KRTAP4-7: variants seen among roughly 807,000 people sequenced by gnomAD.
KRTAP4-7 encodes the protein keratin associated protein 4-7, also known as putative keratin-associated protein 4-X.
In KRTAP4-7, 1 loss-of-function variant was observed where a neutral mutation model predicts 3.0. The ratio of observed to expected loss-of-function variants is 0.33; its 90% CI spans 0.12 to 1.57. The LOEUF (loss-of-function observed/expected upper bound fraction) is 1.57. KRTAP4-7 is among the 40% of genes most tolerant of loss of function. KRTAP4-7 has a pLI of 0.37. For missense variants in KRTAP4-7, 199 were observed against 209.1 expected (o/e 0.95, Z 0.30); for synonymous variants, 70 against 74.6 (o/e 0.94, Z 0.32).
In KRTAP4-7 at chr17:41,084,689, C is replaced by G. The variant is rs779830987; in HGVS notation, c.*15C>G. 1.9e-6 allele frequency: 3 copies of G among 1,572,302 alleles called. No homozygotes were observed. In the Admixed American group the frequency reaches 5.7e-5, roughly 30 times the overall value. Reference sequence around the variant, plus strand: ...CTTGCTGCTGAGCCCACTGCCCTGGCTCACGTCCCCCTTCACCACTGGCCC... The same window carrying G: ...CTTGCTGCTGAGCCCACTGCCCTGGGTCACGTCCCCCTTCACCACTGGCCC... On this transcript the variant is annotated 3_prime_UTR_variant, in exon 1 of 1. Coordinates refer to ENST00000391417, the Ensembl canonical transcript of KRTAP4-7.
Position 41,084,696 on chromosome 17 carries a change from C to A in KRTAP4-7, c.*22C>A, listed in dbSNP as rs189443395. The A allele has an allele frequency of 1.2e-5, 19 of 1,565,174 alleles. No homozygotes were observed. In the African/African-American group the frequency reaches 2.0e-4, roughly 17 times the overall value. On this transcript the variant is annotated 3_prime_UTR_variant, in exon 1 of 1. Transcript: ENST00000391417. Reference sequence around the variant, plus strand: ...CTGAGCCCACTGCCCTGGCTCACGTCCCCCTTCACCACTGGCCCACAGATG... The same window carrying A: ...CTGAGCCCACTGCCCTGGCTCACGTACCCCTTCACCACTGGCCCACAGATG...
chr17:41,084,186 G>C (rs1227944759), exon 1 of KRTAP4-7: 1 of 1,590,630 alleles, frequency 6.3e-7, no homozygotes, highest in African/African-American at 1.3e-5. Context: ...AACCCACCCA[G>C]ATCCTCCCCG....
chr17:41,084,801 A>T (rs1344598535), exon 1 of KRTAP4-7: 1 of 1,375,086 alleles, frequency 7.3e-7, no homozygotes, highest in Non-Finnish European at 9.8e-7. Flanking sequence ...TTATGCTTCC[A>T]AAGAGCCCAC....
In KRTAP4-7 at chr17:41,084,463, GC is replaced by G. The variant is rs761721850; in HGVS notation, c.261del (p.Ser88AlafsTer119). The G allele has an allele frequency of 6.6e-6, 10 of 1,516,916 alleles. No individual in the cohort carries two copies. The Admixed American group carries it at 1.7e-4, about 26-fold the overall frequency. The allele number at this position is 1,516,916 out of a possible 1,614,324, so 94.0% of individuals were successfully genotyped here. A position where few individuals can be genotyped will look rare whatever the true frequency, so the allele number is the denominator to read the frequency against. The stretch of plus-strand genomic sequence containing the variant: ...AGGTGCTGCATCTCCAGCTGCTGCC[GC>G]CCCAGCTGCTGTATGTCCAGCTGCT... On this transcript the variant is annotated frameshift_variant, in exon 1 of 1. Transcript: ENST00000391417. LOFTEE classifies it low-confidence loss of function (END_TRUNC).
Position 41,084,444 on chromosome 17 carries a change from T to C in KRTAP4-7, c.238T>C (p.Cys80Arg), listed in dbSNP as rs959350271. 4.3e-6 allele frequency: 6 copies of C among 1,411,074 alleles called. No homozygotes were observed. In the African/African-American group the frequency reaches 9.1e-5, roughly 21 times the overall value. 87.4% of individuals were successfully genotyped at this position (1,411,074 alleles called of 1,614,324 possible). ...GACGACCTGCTGCCACCCTAGGTGC[T>C]GCATCTCCAGCTGCTGCCGCCCCAG... The change falls in exon 1 of 1, where the codon TGC becomes CGC. Residue 80 changes from cysteine to arginine, a missense_variant. Coordinates refer to ENST00000391417, the Ensembl canonical transcript of KRTAP4-7.
chr17:41,084,294 T>G, exon 1 of KRTAP4-7: 1 of 1,613,954 alleles, frequency 6.2e-7, no homozygotes, highest in South Asian at 1.1e-5. Flanking sequence ...CCCCAGCTGC[T>G]GTCAGACCAC....
chr17:41,084,316 C>A (rs773518620), exon 1 of KRTAP4-7: 1 of 1,614,048 alleles, frequency 6.2e-7, no homozygotes, highest in Non-Finnish European at 8.5e-7. Flanking sequence ...TGTTGCAGGA[C>A]CACCTGCTAC....
chr17:41,084,469 G>A, exon 1 of KRTAP4-7: 2 of 1,515,690 alleles, frequency 1.3e-6, no homozygotes, highest in South Asian at 1.2e-5. Flanking sequence ...TGCCGCCCCA[G>A]CTGCTGTATG....
chr17:41,084,214 G>C (rs2013594269), exon 1 of KRTAP4-7: 1 of 1,606,318 alleles, frequency 6.2e-7, no homozygotes. Flanking sequence ...ACCATGGTCA[G>C]CTCCTGTTGT....
exon 1 of KRTAP4-7, chr17:41,084,804 G>C: frequency 7.4e-7 from 1 of 1,359,396 alleles, no homozygotes; most frequent in South Asian, 1.5e-5. Flanking sequence ...TGCTTCCAAA[G>C]AGCCCACCAC....
chr17:41,084,811 C>G, exon 1 of KRTAP4-7: 3 of 1,320,656 alleles, frequency 2.3e-6, no homozygotes, highest in Non-Finnish European at 3.1e-6. Flanking sequence ...AAAGAGCCCA[C>G]CACCATTTCA....
exon 1 of KRTAP4-7, chr17:41,084,714 C>T: frequency 1.3e-6 from 2 of 1,548,642 alleles, no homozygotes; most frequent in Admixed American, 2.0e-5. Flanking sequence ...ACCACTGGCC[C>T]ACAGATGTAG....
exon 1 of KRTAP4-7, chr17:41,084,386 C>T (rs372748931): frequency 5.4e-4 from 773 of 1,426,374 alleles, no homozygotes; most frequent in Non-Finnish European, 7.0e-4. Flanking sequence ...CTGTGTGCTG[C>T]CAACCCACCT....
chr17:41,084,643 G>C (rs377673169), exon 1 of KRTAP4-7: 2 of 1,598,962 alleles, frequency 1.3e-6, no homozygotes, highest in African/African-American at 1.3e-5. Context: ...ACCTGTCCCC[G>C]CCCCTTGTGC....
exon 1 of KRTAP4-7, chr17:41,084,425 C>T (rs778053500): frequency 1.4e-6 from 2 of 1,416,930 alleles, no homozygotes; most frequent in Admixed American, 2.0e-5. Flanking sequence ...GTGAGACGAC[C>T]TGCTGCCACC....
At chr17:41,084,652 G>A in exon 1 of KRTAP4-7, 1 of 1,597,540 alleles carries the variant, frequency 6.3e-7, no homozygotes, top group Non-Finnish European at 8.5e-7. Context: ...CGCCCCTTGT[G>A]CTGTGCCTCC....
exon 1 of KRTAP4-7, chr17:41,084,629 C>T (rs1180403560): frequency 2.8e-5 from 45 of 1,601,280 alleles, no homozygotes; most frequent in Non-Finnish European, 3.5e-5. Flanking sequence ...CCTGTGTCAT[C>T]TCCACCTGTC....
rs765411456 is a variant in KRTAP4-7 at position 41,084,649 on chromosome 17, T to G, written c.443T>G (p.Leu148Trp). 41 of 1,598,204 alleles carry G rather than the reference T, an allele frequency of 2.6e-5. No individual in the cohort carries two copies. The highest frequency in any genetic ancestry group is 3.3e-5 in the Non-Finnish European group (39 of 1,171,570). ...GTCATCTCCACCTGTCCCCGCCCCT[T>G]GTGCTGTGCCTCCTCTTGCTGCTGA... Residue 148 changes from leucine (L) to tryptophan (W), a missense_variant, in exon 1 of 1, where the codon TTG becomes TGG. Physicochemically the swap from Leu to Trp is moderately conservative, Grantham distance 61. Transcript: ENST00000391417.
chr17:41,084,830 G>A (rs2013621916), exon 1 of KRTAP4-7: 3 of 1,209,576 alleles, frequency 2.5e-6, no homozygotes, highest in South Asian at 1.6e-5. Flanking sequence ...CACTGACTCT[G>A]TGAGAACATT....
Sources: gnomAD v4.1 joint callset for allele counts on GRCh38, gnomAD v4.1.1 for gene constraint, MANE v1.5 for transcripts, NCBI Gene and HGNC (gene_info 2026-07-23, HGNC 2026-07-21) for gene names.